The following IRAK4 variants were observed in gnomAD, a reference collection of about 807,000 sequenced individuals.
IRAK4 encodes interleukin-1 receptor-associated kinase 4.
In IRAK4, 44 loss-of-function variants were observed where a neutral mutation model predicts 51.8. The ratio of observed to expected loss-of-function variants is 0.85; its 90% CI spans 0.67 to 1.09. The LOEUF (loss-of-function observed/expected upper bound fraction) is 1.09. Ranked by LOEUF, IRAK4 falls within the 50% of genes least tolerant of loss-of-function variation. The probability of loss-of-function intolerance (pLI) is 0.00; values close to 1 mark genes in which losing one functional copy is unlikely to be tolerated. For synonymous variants in IRAK4, 149 were observed against 174.1 expected, an observed-to-expected ratio of 0.86 and a Z score of 1.13; for missense variants, 487 against 538.0, an observed-to-expected ratio of 0.91 and a Z score of 0.94.
chr12:43,773,203 A>G, intron 5 of IRAK4, 131 bp downstream of exon 5: 1 of 889,436 alleles, frequency 1.1e-6, no homozygotes, highest in Non-Finnish European at 1.7e-6. Context: ...CATTCTAAAT[A>G]GTAGTTCTTA....
In IRAK4 at chr12:43,780,224, A is replaced by G. The variant is rs533579113; in HGVS notation, c.941+1922A>G. Among the ~76,000 whole-genome samples the G allele has an allele frequency of 3.9e-5, 6 of 152,304 alleles. No individual in the cohort carries two copies. In the South Asian group the frequency reaches 1.2e-3, roughly 32 times the overall value. On this transcript the variant is annotated intron_variant, in intron 8 of 11. Transcript: ENST00000613694. ...TGGTTTAGAAATCACATTGTAGTTGAGAGAGTGAGAGCTAGAGAACTGAGA... is the reference window on the plus strand; with the variant it reads ...TGGTTTAGAAATCACATTGTAGTTGGGAGAGTGAGAGCTAGAGAACTGAGA...
intron 9 of IRAK4, 86 bp from the exon 10 acceptor site, chr12:43,783,576 C>A: frequency 1.2e-6 from 1 of 823,756 alleles, no homozygotes; most frequent in South Asian, 1.5e-5. Flanking sequence ...CCACATCTGT[C>A]TCCCAAAGTG....
In IRAK4 at chr12:43,787,042, C is replaced by G. The variant is rs1011942091; in HGVS notation, c.*327C>G. The G allele has an allele frequency of 9.9e-6, 3 of 302,344 alleles. No homozygotes were observed. The highest frequency in any genetic ancestry group is 2.2e-5 in the African/African-American group (1 of 46,154). 18.7% of individuals were successfully genotyped at this position (302,344 alleles called of 1,614,324 possible). On this transcript the variant is annotated 3_prime_UTR_variant, in exon 12 of 12. Coordinates refer to ENST00000613694, the MANE Select transcript of IRAK4 (RefSeq NM_016123.4). Reference sequence around the variant, plus strand: ...AGGGTGGAAACACTCTGATCTGAAGCCCAGCTGACTCCACTACTAATTTGC... The same window carrying G: ...AGGGTGGAAACACTCTGATCTGAAGGCCAGCTGACTCCACTACTAATTTGC...
At chr12:43,760,207 C>G (rs1374407880) in intron 1 of IRAK4, among the ~76,000 whole-genome samples, 1 of 152,210 alleles carries the variant, frequency 6.6e-6, no homozygotes, top group Non-Finnish European at 1.5e-5. Flanking sequence ...ATGCTGTCTT[C>G]TCACTCTCCA....
intron 8 of IRAK4, among the ~76,000 whole-genome samples, chr12:43,780,762 G>T (rs1376817810): frequency 6.6e-6 from 1 of 151,944 alleles, no homozygotes; most frequent in South Asian, 2.1e-4. Context: ...GTAGAGATGG[G>T]GTTTCTCCAT....
chr12:43,780,305 A>G (rs1200798910), intron 8 of IRAK4, among the ~76,000 whole-genome samples: 1 of 152,186 alleles, frequency 6.6e-6, no homozygotes, highest in Non-Finnish European at 1.5e-5. Context: ...ACAGCTAGAA[A>G]TAGATAAGTC....
At chr12:43,779,639 A>C (rs1279705220) in intron 8 of IRAK4, among the ~76,000 whole-genome samples, 1 of 152,002 alleles carries the variant, frequency 6.6e-6, no homozygotes, top group Non-Finnish European at 1.5e-5. Flanking sequence ...ATCAGGAATG[A>C]CTCCTGGAAT....
In IRAK4 at chr12:43,786,489, G is replaced by A. The variant is rs757657887; in HGVS notation, c.1279G>A (p.Glu427Lys). The part of the protein sequence containing the change: ...KMNDADSTSV[E>K]AMYSVASQCL... Reference sequence around the variant, plus strand: ...GAATGATGCTGATTCCACTTCAGTTGAAGCTATGTACTCTGTTGCTAGTCA... The same window carrying A: ...GAATGATGCTGATTCCACTTCAGTTAAAGCTATGTACTCTGTTGCTAGTCA... The change falls in exon 11 of 12, where the codon GAA (glutamate) becomes AAA (lysine). Residue 427 changes from glutamate (E) to lysine (K), a missense_variant. Coordinates refer to ENST00000613694, the MANE Select transcript of IRAK4 (RefSeq NM_016123.4). The A allele has an allele frequency of 1.9e-6, 3 of 1,613,076 alleles. No individual in the cohort carries two copies. Among genetic ancestry groups the A allele is most frequent in the Non-Finnish European group, 2.5e-6 (3 of 1,179,700 alleles).
chr12:43,777,933 G>A (rs1215840010), intron 7 of IRAK4, among the ~76,000 whole-genome samples, 189 bp downstream of exon 7: 2 of 152,152 alleles, frequency 1.3e-5, no homozygotes, highest in African/African-American at 2.4e-5. Flanking sequence ...ATTTTATTAG[G>A]TGGTAATCTT....
At chr12:43,768,515 C>T (rs1039973441) in intron 2 of IRAK4, 35 of 336,592 alleles carry the variant, frequency 1.0e-4, no homozygotes, top group Middle Eastern at 1.6e-3. Context: ...ATCAAGATTC[C>T]CACCTTTGCT....
chr12:43,779,032 T>C (rs1033884874), intron 8 of IRAK4, among the ~76,000 whole-genome samples: 1 of 152,048 alleles, frequency 6.6e-6, no homozygotes, highest in Non-Finnish European at 1.5e-5. Flanking sequence ...GGAGCCAAGA[T>C]AGGAGGATCA....
At chr12:43,780,258 T>C (rs1466844644) in intron 8 of IRAK4, among the ~76,000 whole-genome samples, 1 of 152,178 alleles carries the variant, frequency 6.6e-6, no homozygotes, top group South Asian at 2.1e-4. Flanking sequence ...GATAGGAGTA[T>C]AGACAAGTCT....
intron 5 of IRAK4, 36 bp from the exon 6 acceptor site, chr12:43,773,929 T>C (rs1158029444): frequency 7.4e-7 from 1 of 1,342,648 alleles, no homozygotes; most frequent in South Asian, 1.2e-5. Context: ...AACCTTAGAA[T>C]TGTGTAGTAT....
intron 2 of IRAK4, chr12:43,768,592 G>A: frequency 4.7e-6 from 1 of 211,742 alleles, no homozygotes; most frequent in East Asian, 1.1e-4. Flanking sequence ...CCAGATTGAA[G>A]GAAAATAAGA....
intron 10 of IRAK4, among the ~76,000 whole-genome samples, chr12:43,785,124 G>A (rs1353148724): frequency 2.0e-5 from 3 of 152,070 alleles, no homozygotes; most frequent in Non-Finnish European, 2.9e-5. Flanking sequence ...CTCATTGGAT[G>A]TAGGGCTTAC....
chr12:43,759,948 C>T (rs1364886794), intron 1 of IRAK4, among the ~76,000 whole-genome samples: 2 of 151,966 alleles, frequency 1.3e-5, no homozygotes, highest in Non-Finnish European at 2.9e-5. Context: ...ACAAACGGCG[C>T]TATTAGTGCT....
intron 6 of IRAK4, among the ~76,000 whole-genome samples, chr12:43,774,389 C>T (rs902539348): frequency 1.3e-5 from 2 of 152,204 alleles, no homozygotes; most frequent in Admixed American, 6.5e-5. Flanking sequence ...GACCTACAGG[C>T]GTGTGCCACC....
intron 2 of IRAK4, among the ~76,000 whole-genome samples, chr12:43,769,097 A>G (rs768255016): frequency 1.3e-5 from 2 of 152,158 alleles, no homozygotes; most frequent in African/African-American, 2.4e-5. Context: ...TTAAAAACTT[A>G]TGGAAGATAA....
chr12:43,772,185 G>T lies in IRAK4; in HGVS notation c.313G>T (p.Val105Phe). The change falls in exon 4 of 12, where the codon GTT (valine) becomes TTT (phenylalanine). Residue 105 changes from valine to phenylalanine, a missense_variant. Transcript: ENST00000613694. ...APASLLLPDA[V>F]PKTANTLPSK... The stretch of plus-strand genomic sequence containing the variant: ...TATCTTACTTCATTTGTTAGATGCT[G>T]TTCCCAAAACTGCTAATACACTACC... The T allele has an allele frequency of 1.2e-6, 2 of 1,612,630 alleles. No individual in the cohort carries two copies. Among genetic ancestry groups the T allele is most frequent in the Non-Finnish European group, 1.7e-6 (2 of 1,179,374 alleles).
Sources: gnomAD v4.1 joint callset for allele counts (sites outside exome capture counted in the v4.1 genomes callset) on GRCh38, gnomAD v4.1.1 for gene constraint, MANE v1.5 for transcripts, NCBI Gene and HGNC (gene_info 2026-07-23, HGNC 2026-07-21) for gene names.